FTO: variants seen among roughly 807,000 people sequenced by gnomAD.
The protein encoded by FTO is FTO alpha-ketoglutarate dependent dioxygenase.
FTO carries 47 observed loss-of-function variants against 63.9 expected under a neutral mutation model. The observed-to-expected ratio is 0.74, with a 90% confidence interval of 0.58 to 0.94. The LOEUF (loss-of-function observed/expected upper bound fraction) is 0.94, where lower values mean the gene tolerates loss of function less well. Among genes scored for constraint, FTO ranks in the 40% least tolerant of loss-of-function variants. FTO has a pLI of 0.00. For missense variants in FTO, 562 were observed against 618.1 expected (o/e 0.91, Z 0.96); for synonymous variants, 207 against 224.4 (o/e 0.92, Z 0.69).
chr16:54,049,586 G>A (rs2085267118), intron 8 of FTO, among the ~76,000 whole-genome samples: 1 of 152,216 alleles, frequency 6.6e-6, no homozygotes, highest in South Asian at 2.1e-4. Flanking sequence ...GAGGGCTTGA[G>A]GAAATACCAG....
chr16:54,017,373 C>T (rs533932426), intron 8 of FTO, among the ~76,000 whole-genome samples: 1 of 152,306 alleles, frequency 6.6e-6, no homozygotes, highest in African/African-American at 2.4e-5. Flanking sequence ...AACAATTCCT[C>T]TTAATTATGT....
intron 8 of FTO, among the ~76,000 whole-genome samples, chr16:54,089,817 C>T (rs930554473): frequency 4.6e-5 from 7 of 150,590 alleles, no homozygotes; most frequent in African/African-American, 9.8e-5. Flanking sequence ...AAATGCAAAT[C>T]GAAACCTCAA....
At chr16:53,735,374 T>A (rs545518632) in intron 1 of FTO, among the ~76,000 whole-genome samples, 2 of 152,224 alleles carry the variant, frequency 1.3e-5, no homozygotes, top group South Asian at 4.1e-4. Flanking sequence ...GACTGAGAGA[T>A]TAGGAAGTAG....
At chr16:53,769,668 T>C (rs1296660841) in intron 1 of FTO, among the ~76,000 whole-genome samples, 1 of 152,072 alleles carries the variant, frequency 6.6e-6, no homozygotes, top group Non-Finnish European at 1.5e-5. Flanking sequence ...TTAGTTAGGG[T>C]AGGTTATTGC....
chr16:54,100,164 T>G (rs1255336981), intron 8 of FTO, among the ~76,000 whole-genome samples: 1 of 152,174 alleles, frequency 6.6e-6, no homozygotes. Flanking sequence ...GATGTCTGTA[T>G]TTTGGAAGAA....
intron 2 of FTO, among the ~76,000 whole-genome samples, chr16:53,812,116 C>T (rs2078545383): frequency 6.6e-6 from 1 of 152,160 alleles, no homozygotes; most frequent in South Asian, 2.1e-4. Context: ...CCCAGCCTGT[C>T]TCTTGTTTCC....
At chr16:53,824,054 C>G (rs2078939775) in intron 2 of FTO, among the ~76,000 whole-genome samples, 1 of 152,186 alleles carries the variant, frequency 6.6e-6, no homozygotes, top group African/African-American at 2.4e-5. Flanking sequence ...ATTGTAATAG[C>G]ACATTCCACG....
chr16:53,762,885 T>G (rs2151607749), intron 1 of FTO, among the ~76,000 whole-genome samples: 1 of 152,332 alleles, frequency 6.6e-6, no homozygotes, highest in East Asian at 1.9e-4. Context: ...AAAGTTTTAA[T>G]TTAATCAATA....
At position 54,073,805 on chromosome 16, in the gene FTO, T is replaced by C. The variant is rs151045307; in HGVS notation, c.1365-37957T>C. 1.1e-3 allele frequency among the ~76,000 whole-genome samples: 167 copies of C among 152,254 alleles called. 2 individuals carry two copies. The East Asian group carries it at 0.029, about 27-fold the overall frequency. ...GAATACTCATGTACAGAATTTTCAT[T>C]CTATAGATTTAAAGAATAAAAATTT... On this transcript the variant is annotated intron_variant, in intron 8 of 8. Coordinates refer to ENST00000471389, the MANE Select transcript of FTO (RefSeq NM_001080432.3).
At chr16:53,744,211 G>A (rs765753560) in intron 1 of FTO, among the ~76,000 whole-genome samples, 4 of 152,068 alleles carry the variant, frequency 2.6e-5, no homozygotes, top group Admixed American at 6.5e-5. Context: ...GTTCAGACTC[G>A]GAGCTCATAG....
intron 8 of FTO, among the ~76,000 whole-genome samples, chr16:54,095,245 G>C (rs1261339313): frequency 1.3e-5 from 2 of 152,068 alleles, no homozygotes; most frequent in Non-Finnish European, 2.9e-5. Context: ...TCACTCTGTT[G>C]CCCAGGCTGG....
At chr16:53,793,447 T>C (rs542160431) in intron 1 of FTO, among the ~76,000 whole-genome samples, 32 of 152,340 alleles carry the variant, frequency 2.1e-4, no homozygotes, top group African/African-American at 7.2e-4. Flanking sequence ...TATTTTGTAC[T>C]TGTTTTTATT....
intron 8 of FTO, among the ~76,000 whole-genome samples, chr16:54,079,656 C>T (rs1180341412): frequency 1.3e-5 from 2 of 152,102 alleles, no homozygotes; most frequent in African/African-American, 4.8e-5. Flanking sequence ...GCCCAATAGA[C>T]CGAATAGGAC....
At chr16:53,960,177 G>A (rs953278026) in intron 8 of FTO, among the ~76,000 whole-genome samples, 1 of 152,154 alleles carries the variant, frequency 6.6e-6, no homozygotes, top group Admixed American at 6.5e-5. Flanking sequence ...TACATAGTTT[G>A]AGAGTCTCAA....
intron 4 of FTO, among the ~76,000 whole-genome samples, chr16:53,856,115 T>C (rs776970526): frequency 2.6e-5 from 4 of 152,000 alleles, no homozygotes; most frequent in African/African-American, 7.2e-5. Context: ...TAGGCCTTTA[T>C]GTAGGTTGTA....
chr16:53,811,369 A>G lies in FTO; in HGVS notation c.123+1152A>G, dbSNP rs148686029. ...TTGTATCTCTAGCACCTGCATGTAC[A>G]TAGCTGACCATCAGTAACCAAGGAA... On this transcript the variant is annotated intron_variant, in intron 2 of 8. Coordinates refer to ENST00000471389, the MANE Select transcript of FTO (RefSeq NM_001080432.3). Among the ~76,000 whole-genome samples the G allele has an allele frequency of 2.0e-5, 3 of 152,336 alleles. No individual in the cohort carries two copies. In the East Asian group the frequency reaches 5.8e-4, roughly 29 times the overall value.
At chr16:53,738,268 C>T (rs2076437658) in intron 1 of FTO, among the ~76,000 whole-genome samples, 1 of 152,116 alleles carries the variant, frequency 6.6e-6, no homozygotes, top group Admixed American at 6.5e-5. Flanking sequence ...GTGATCTGCC[C>T]ACCTCAGCTT....
intron 1 of FTO, among the ~76,000 whole-genome samples, chr16:53,792,081 A>T (rs1323044784): frequency 2.0e-5 from 3 of 151,650 alleles, no homozygotes; most frequent in Admixed American, 2.0e-4. Flanking sequence ...GTCTCAAAAA[A>T]AAAAAAAAAA....
intron 1 of FTO, among the ~76,000 whole-genome samples, chr16:53,766,568 C>T (rs748763737): frequency 2.6e-5 from 4 of 152,014 alleles, no homozygotes; most frequent in South Asian, 2.1e-4. Context: ...AAACTGAGGA[C>T]GAAGCAGGTC....
Sources: allele counts gnomAD v4.1 joint callset (sites outside exome capture counted in the v4.1 genomes callset), GRCh38; gene constraint gnomAD v4.1.1; transcripts MANE v1.5; gene names NCBI Gene and HGNC (gene_info 2026-07-23, HGNC 2026-07-21).